Variants in USP34 observed in about 807,000 individuals in gnomAD.
USP34 encodes ubiquitin carboxyl-terminal hydrolase 34.
A neutral mutation model predicts 460.3 loss-of-function variants in USP34; 70 were observed. That is an observed-to-expected ratio of 0.15 (90% CI 0.13 to 0.19). The LOEUF is 0.19. Ranked by LOEUF, USP34 falls within the 10% of genes least tolerant of loss-of-function variation. The pLI, the probability that USP34 is intolerant of heterozygous loss-of-function variation, is 1.00. For synonymous variants in USP34, 1,647 were observed against 1,405.3 expected, an observed-to-expected ratio of 1.17 and a Z score of -3.85; for missense variants, 3,985 against 4,236.2, an observed-to-expected ratio of 0.94 and a Z score of 1.65.
rs1463377739 is a variant in USP34, at chr2:61,370,520, A to T, written c.1136T>A (p.Phe379Tyr). The change falls in exon 9 of 80, where the codon TTT (phenylalanine) becomes TAT (tyrosine). Residue 379 changes from phenylalanine (F) to tyrosine (Y), a missense_variant. Phe to Tyr is a conservative substitution (Grantham distance 22, BLOSUM62 3). Around this residue, in one of 14 missense-constraint regions of USP34, gnomAD observed 716 missense variants for 626.2 expected, o/e 1.14. Transcript: ENST00000398571. ...LISNNVVEHI[F>Y]GPNLHIEIIK... Reference sequence around the variant, plus strand: ...AACCTCAATATGTAAATTTGGTCCAAATATATGCTCCACCACATTGTTGCT... The same window carrying T: ...AACCTCAATATGTAAATTTGGTCCATATATATGCTCCACCACATTGTTGCT... 3 of 1,614,000 alleles carry T rather than the reference A, an allele frequency of 1.9e-6. No homozygotes were observed. Among genetic ancestry groups the T allele is most frequent in the Admixed American group, 1.7e-5 (1 of 60,018 alleles).
At chr2:61,414,583 G>A (rs1694141406) in intron 2 of USP34, among the ~76,000 whole-genome samples, 1 of 152,242 alleles carries the variant, frequency 6.6e-6, no homozygotes, top group Admixed American at 6.5e-5. Flanking sequence ...GATAGGAGAT[G>A]TTACCAGTGG....
At chr2:61,346,337 A>G (rs1691765888) in intron 15 of USP34, 1 of 138,844 alleles carries the variant, frequency 7.2e-6, no homozygotes, top group Non-Finnish European at 1.5e-5. Context: ...CAACATAGCA[A>G]TACTCTGTCT....
At chr2:61,235,401 C>G (rs1688038593) in intron 57 of USP34, among the ~76,000 whole-genome samples, 2 of 148,970 alleles carry the variant, frequency 1.3e-5, no homozygotes, top group African/African-American at 4.9e-5. Flanking sequence ...TCTCAGCTCA[C>G]TACAACCTCT....
At chr2:61,315,434 G>A (rs569041661) in intron 23 of USP34, among the ~76,000 whole-genome samples, 13 of 151,570 alleles carry the variant, frequency 8.6e-5, no homozygotes, top group African/African-American at 2.2e-4. Flanking sequence ...GTGCAGTGGC[G>A]CAATCTTGGC....
intron 27 of USP34, among the ~76,000 whole-genome samples, chr2:61,304,729 A>G (rs770505856): frequency 1.3e-5 from 2 of 152,236 alleles, no homozygotes; most frequent in Non-Finnish European, 2.9e-5. Context: ...AAGCTACCCC[A>G]TTTATGGTAG....
intron 6 of USP34, among the ~76,000 whole-genome samples, chr2:61,382,848 A>G (rs1693015016): frequency 6.6e-6 from 1 of 152,102 alleles, no homozygotes; most frequent in Non-Finnish European, 1.5e-5. Flanking sequence ...CTTTGCTGCT[A>G]TTTATCCTAT....
At chr2:61,334,900 A>G (rs935239026) in intron 18 of USP34, among the ~76,000 whole-genome samples, 2 of 152,198 alleles carry the variant, frequency 1.3e-5, no homozygotes, top group Non-Finnish European at 2.9e-5. Context: ...ATACATGGCT[A>G]AAGATTTTTA....
intron 57 of USP34, among the ~76,000 whole-genome samples, chr2:61,234,862 CT>C (rs1688018526): frequency 6.6e-6 from 1 of 152,108 alleles, no homozygotes; most frequent in Middle Eastern, 3.2e-3. Flanking sequence ...TCTTGAACTC[CT>C]GACCGCAAGT....
At chr2:61,217,736 C>T (rs762687031) in intron 67 of USP34, among the ~76,000 whole-genome samples, 2 of 152,116 alleles carry the variant, frequency 1.3e-5, no homozygotes, top group Non-Finnish European at 1.5e-5. Flanking sequence ...GGGTGGATCA[C>T]GAGGTCAGGA....
At chr2:61,390,728 T>C (rs867185659) in intron 5 of USP34, among the ~76,000 whole-genome samples, 1 of 152,148 alleles carries the variant, frequency 6.6e-6, no homozygotes, top group Admixed American at 6.6e-5. Context: ...CCTTTCTTTG[T>C]TGATAATTCA....
chr2:61,188,398 C>G lies in USP34; in HGVS notation c.10345G>C (p.Glu3449Gln). 1 of 1,614,174 alleles carries G rather than the reference C, an allele frequency of 6.2e-7. No homozygotes were observed. ...TTGGAACAGTGGAGGTCTTTAAATT[C>G]TTTACAATCGTCATATCTACCATTG... ...SNNGRYDDCK[E>Q]FKDLHCSKDS... The change falls in exon 80 of 80, where the codon GAA (glutamate) becomes CAA (glutamine). Residue 3449 changes from glutamate to glutamine, a missense_variant. Physicochemically the swap from Glu to Gln is conservative, Grantham distance 29 (BLOSUM62 2). Transcript: ENST00000398571.
At chr2:61,417,508 C>G (rs1247986782) in intron 2 of USP34, 2 of 209,026 alleles carry the variant, frequency 9.6e-6, no homozygotes, top group Non-Finnish European at 2.0e-5. Context: ...AGAAATCAGA[C>G]CATGAAGTAT....
At chr2:61,389,756 A>G (rs901289763) in intron 5 of USP34, among the ~76,000 whole-genome samples, 2 of 151,776 alleles carry the variant, frequency 1.3e-5, no homozygotes, top group African/African-American at 4.8e-5. Flanking sequence ...TTAAGTTTTG[A>G]GCTTTTCAGG....
At chr2:61,196,194 C>T (rs1686802299) in intron 75 of USP34, among the ~76,000 whole-genome samples, 1 of 148,780 alleles carries the variant, frequency 6.7e-6, no homozygotes. Context: ...CATTCTCCTG[C>T]CCCAGCATCC....
At chr2:61,249,753 T>C (rs1688523941) in intron 48 of USP34, 1 of 154,564 alleles carries the variant, frequency 6.5e-6, no homozygotes, top group Non-Finnish European at 1.4e-5. Flanking sequence ...AGAATTACAC[T>C]TTAGCAATAA....
intron 43 of USP34, among the ~76,000 whole-genome samples, chr2:61,263,782 C>G (rs901092082): frequency 6.6e-6 from 1 of 152,120 alleles, no homozygotes; most frequent in Non-Finnish European, 1.5e-5. Flanking sequence ...ACACCCCACA[C>G]GCAGCTAATT....
intron 20 of USP34, among the ~76,000 whole-genome samples, chr2:61,330,576 G>A (rs1045542833): frequency 1.3e-5 from 2 of 152,122 alleles, no homozygotes; most frequent in African/African-American, 2.4e-5. Context: ...TTCAATCACA[G>A]TGTGACTCCT....
At chr2:61,379,155 C>T (rs890826242) in intron 7 of USP34, among the ~76,000 whole-genome samples, 2 of 152,012 alleles carry the variant, frequency 1.3e-5, no homozygotes, top group Admixed American at 6.6e-5. Context: ...TTATGAAACC[C>T]GGTACACAAG....
Position 61,241,417 on chromosome 2 carries a change from T to A in USP34, c.6777+143A>T, listed in dbSNP as rs1688256216. 5.3e-6 allele frequency: 3 copies of A among 568,556 alleles called. No homozygotes were observed. The South Asian group carries it at 7.8e-5, about 15-fold the overall frequency. 35.2% of individuals were successfully genotyped at this position (568,556 alleles called of 1,614,324 possible). ...TCATTTACGGGTCTTATATCAGTAT[T>A]ACCAAGACTATTTGTAAATACTCTT... On this transcript the variant is annotated intron_variant, in intron 53 of 79. Transcript: ENST00000398571.
Sources: allele counts gnomAD v4.1 joint callset (sites outside exome capture counted in the v4.1 genomes callset), GRCh38; gene constraint gnomAD v4.1.1; regional missense constraint gnomAD v4.1.1; transcripts MANE v1.5; gene names NCBI Gene and HGNC (gene_info 2026-07-23, HGNC 2026-07-21).